FGF12: variants seen among roughly 807,000 people sequenced by gnomAD.
FGF12 encodes the protein fibroblast growth factor 12, also known as fibroblast growth factor 12B.
A neutral mutation model predicts 23.6 loss-of-function variants in FGF12; 14 were observed. The ratio of observed to expected loss-of-function variants is 0.59; its 90% CI spans 0.39 to 0.93. FGF12 has a LOEUF of 0.93. Ranked by LOEUF, FGF12 falls within the 40% of genes least tolerant of loss-of-function variation. FGF12 has a pLI of 0.00. For missense variants in FGF12, 175 were observed against 217.8 expected, an observed-to-expected ratio of 0.80 and a Z score of 1.24; for synonymous variants, 62 against 77.3, an observed-to-expected ratio of 0.80 and a Z score of 1.04.
chr3:192,466,249 A>C (rs1257792148), intron 2 of FGF12, among the ~76,000 whole-genome samples: 2 of 152,242 alleles, frequency 1.3e-5, no homozygotes, highest in Non-Finnish European at 2.9e-5. Context: ...TAGGATTACC[A>C]TCATACAGGC....
intron 2 of FGF12, among the ~76,000 whole-genome samples, chr3:192,679,374 G>T (rs774805098): frequency 3.0e-4 from 45 of 152,262 alleles, no homozygotes; most frequent in Admixed American, 1.7e-3. Flanking sequence ...AAGACAGGTG[G>T]ATCACTTGAG....
At chr3:192,223,669 C>T (rs530042328) in intron 4 of FGF12, among the ~76,000 whole-genome samples, 15 of 151,946 alleles carry the variant, frequency 9.9e-5, no homozygotes, top group Admixed American at 2.6e-4. Flanking sequence ...ATTATGTTTG[C>T]CGTAACTGTC....
At chr3:192,440,127 A>G (rs1722161775) in intron 2 of FGF12, among the ~76,000 whole-genome samples, 2 of 152,166 alleles carry the variant, frequency 1.3e-5, no homozygotes, top group South Asian at 4.1e-4. Context: ...GAAGACTGCC[A>G]TGTGAAAGAG....
At chr3:192,562,356 T>C (rs575775321) in intron 2 of FGF12, among the ~76,000 whole-genome samples, 1 of 152,296 alleles carries the variant, frequency 6.6e-6, no homozygotes, top group East Asian at 1.9e-4. Flanking sequence ...AATTACACAT[T>C]TAAACTTTCT....
chr3:192,499,518 T>A (rs28712605), intron 2 of FGF12, among the ~76,000 whole-genome samples: 109 of 15,740 alleles, frequency 6.9e-3, no homozygotes, highest in South Asian at 0.04. Flanking sequence ...ATATATATAT[T>A]TTTTTTTTTT....
chr3:192,291,253 GTT>G (rs1714743132), intron 4 of FGF12, among the ~76,000 whole-genome samples: 1 of 152,066 alleles, frequency 6.6e-6, no homozygotes, highest in Admixed American at 6.6e-5. Context: ...GGACATAACA[GTT>G]TGAGAATCTT....
intron 4 of FGF12, among the ~76,000 whole-genome samples, chr3:192,235,512 T>C (rs1282608365): frequency 6.6e-6 from 1 of 152,062 alleles, no homozygotes; most frequent in African/African-American, 2.4e-5. Context: ...TTAGCAGAGA[T>C]GGGGTTTCAC....
intron 2 of FGF12, among the ~76,000 whole-genome samples, chr3:192,542,506 T>C (rs1725394300): frequency 6.6e-6 from 1 of 152,220 alleles, no homozygotes; most frequent in African/African-American, 2.4e-5. Context: ...TGCTGCTCCC[T>C]TATTTAGTTC....
intron 5 of FGF12, among the ~76,000 whole-genome samples, chr3:192,146,270 A>ATTTTTTTTTTTTTTTTTTTT (rs879200159): frequency 1.1e-5 from 1 of 92,164 alleles, no homozygotes; most frequent in Admixed American, 1.1e-4. Context: ...ATTAAAGTGT[A>ATTTTTTTTTTTTTTTTTTTT]TATTTTTTTT....
intron 4 of FGF12, among the ~76,000 whole-genome samples, chr3:192,329,698 C>T (rs1717007812): frequency 6.6e-6 from 1 of 152,112 alleles, no homozygotes; most frequent in Non-Finnish European, 1.5e-5. Context: ...GGTGGTCTTA[C>T]AAGTTTTGTC....
intron 2 of FGF12, among the ~76,000 whole-genome samples, chr3:192,509,535 G>A (rs1169654121): frequency 6.6e-6 from 1 of 152,178 alleles, no homozygotes; most frequent in Non-Finnish European, 1.5e-5. Flanking sequence ...ACATTTTAGA[G>A]TAAGTAGAAA....
chr3:192,398,547 C>A (rs1330697465), intron 2 of FGF12, among the ~76,000 whole-genome samples: 1 of 152,032 alleles, frequency 6.6e-6, no homozygotes, highest in African/African-American at 2.4e-5. Flanking sequence ...CCACGCCCGA[C>A]TAATTTTGTA....
At chr3:192,555,050 G>T (rs1303936202) in intron 2 of FGF12, among the ~76,000 whole-genome samples, 3 of 152,056 alleles carry the variant, frequency 2.0e-5, no homozygotes, top group South Asian at 4.2e-4. Flanking sequence ...CATGATCAAG[G>T]TGTTCATTAT....
At chr3:192,452,156 T>C (rs189345276) in intron 2 of FGF12, among the ~76,000 whole-genome samples, 1 of 152,308 alleles carries the variant, frequency 6.6e-6, no homozygotes, top group African/African-American at 2.4e-5. Flanking sequence ...ATATTTTCTA[T>C]CAAATTGAGA....
At chr3:192,543,609 T>G (rs1725426992) in intron 2 of FGF12, among the ~76,000 whole-genome samples, 1 of 151,950 alleles carries the variant, frequency 6.6e-6, no homozygotes, top group South Asian at 2.1e-4. Context: ...CAGCTGGGAA[T>G]GTACTGGGTC....
At chr3:192,183,585 C>G (rs934020034) in intron 4 of FGF12, among the ~76,000 whole-genome samples, 1 of 152,178 alleles carries the variant, frequency 6.6e-6, no homozygotes, top group Non-Finnish European at 1.5e-5. Flanking sequence ...TATCATTTAC[C>G]TGTATCATGT....
rs374303425 is a variant in FGF12, at chr3:192,581,861, T to A, written c.13+145320A>T. On this transcript the variant is annotated intron_variant, in intron 2 of 5. Coordinates refer to ENST00000445105, the MANE Select transcript of FGF12 (RefSeq NM_004113.6). ...CAGTTATCTCTAAAATATCATTATCTTTAATTACCTAAAAGATTATAAATA... is the reference window on the plus strand; with the variant it reads ...CAGTTATCTCTAAAATATCATTATCATTAATTACCTAAAAGATTATAAATA... Among the ~76,000 whole-genome samples, 97 of 152,298 alleles carry A rather than the reference T, an allele frequency of 6.4e-4. 7 individuals are homozygous for A. The South Asian group carries it at 0.02, about 31-fold the overall frequency.
intron 2 of FGF12, among the ~76,000 whole-genome samples, chr3:192,467,437 G>A (rs1028232445): frequency 1.3e-5 from 2 of 152,184 alleles, no homozygotes; most frequent in South Asian, 2.1e-4. Context: ...CCTAGAATTG[G>A]CCAGATGATG....
intron 2 of FGF12, among the ~76,000 whole-genome samples, chr3:192,372,059 A>G (rs980008134): frequency 6.6e-6 from 1 of 152,144 alleles, no homozygotes; most frequent in African/African-American, 2.4e-5. Context: ...AGACACTTCT[A>G]TGCACACAGA....
Sources: allele counts gnomAD v4.1 joint callset (sites outside exome capture counted in the v4.1 genomes callset), GRCh38; gene constraint gnomAD v4.1.1; transcripts MANE v1.5; gene names NCBI Gene and HGNC (gene_info 2026-07-23, HGNC 2026-07-21).